Variants in ENPP3 observed in about 807,000 individuals in gnomAD.
ENPP3 encodes the protein ectonucleotide pyrophosphatase/phosphodiesterase family member 3.
Under a neutral mutation model 117.8 loss-of-function variants are expected in ENPP3, and 104 were observed. That is an observed-to-expected ratio of 0.88 (90% CI 0.75 to 1.04). The LOEUF (loss-of-function observed/expected upper bound fraction) is 1.04, where lower values mean the gene tolerates loss of function less well. ENPP3 is among the 50% of genes least tolerant of loss of function. The pLI is 0.00. For synonymous variants in ENPP3, 380 were observed against 349.9 expected (o/e 1.09, Z -0.96); for missense variants, 1,026 against 1,051.9 (o/e 0.98, Z 0.34).
intron 2 of ENPP3, among the ~76,000 whole-genome samples, chr6:131,645,612 T>A (rs574934785): frequency 6.6e-6 from 1 of 152,344 alleles, no homozygotes; most frequent in East Asian, 1.9e-4. Context: ...AGAGATAACT[T>A]GAATCTTTGT....
chr6:131,693,684 C>T, intron 15 of ENPP3, 60 bp downstream of exon 15: 1 of 1,511,608 alleles, frequency 6.6e-7, no homozygotes, highest in Admixed American at 1.8e-5. Flanking sequence ...CATTATAAGT[C>T]TACTTAACCT....
At chr6:131,739,787 T>C (rs1238038327) in intron 23 of ENPP3, among the ~76,000 whole-genome samples, 4 of 151,898 alleles carry the variant, frequency 2.6e-5, no homozygotes, top group Non-Finnish European at 5.9e-5. Flanking sequence ...AAGACATTTA[T>C]TGGCCTGGTG....
rs141134579 is a variant in ENPP3 at position 131,701,327 on chromosome 6, G to T, written c.1412+7703G>T. 8.3e-4 allele frequency: 1,340 copies of T among 1,612,500 alleles called. 1 individual carries two copies. Among genetic ancestry groups the T allele is most frequent in the Admixed American group, 1.1e-3 (68 of 59,836 alleles). On this transcript the variant is annotated intron_variant, in intron 15 of 24. Transcript: ENST00000357639. The stretch of plus-strand genomic sequence containing the variant: ...AGAACAGGGAGAAGAGCCCAAAGAG[G>T]AGCATCTGAATCCTTGGGCCAACGG...
intron 23 of ENPP3, 21 bp downstream of exon 23, chr6:131,738,184 A>G: frequency 6.2e-7 from 1 of 1,600,830 alleles, no homozygotes; most frequent in Non-Finnish European, 8.5e-7. Context: ...TGACTTTTTG[A>G]TTTATCAATA....
At chr6:131,709,703 C>T in intron 15 of ENPP3, 1 of 1,613,822 alleles carries the variant, frequency 6.2e-7, no homozygotes, top group Non-Finnish European at 8.5e-7. Context: ...TCTTCAAGAT[C>T]TTTGGCTAGC....
intron 5 of ENPP3, among the ~76,000 whole-genome samples, chr6:131,657,850 A>ATG (rs1345487773): frequency 5.3e-5 from 8 of 152,044 alleles, no homozygotes; most frequent in Admixed American, 5.2e-4. Flanking sequence ...CTTCTGTGAA[A>ATG]TGTGTGTGTG....
At chr6:131,653,270 A>G (rs1778304508) in intron 5 of ENPP3, among the ~76,000 whole-genome samples, 1 of 150,892 alleles carries the variant, frequency 6.6e-6, no homozygotes, top group South Asian at 2.1e-4. Flanking sequence ...AGCTGGGACT[A>G]TAGGCACGCC....
intron 15 of ENPP3, among the ~76,000 whole-genome samples, chr6:131,696,531 C>G (rs1184663675): frequency 6.6e-6 from 1 of 152,174 alleles, no homozygotes; most frequent in Non-Finnish European, 1.5e-5. Flanking sequence ...CCTGTGCAGT[C>G]TGTCGGTTGT....
At chr6:131,701,506 T>C in intron 15 of ENPP3, 4 of 584,620 alleles carry the variant, frequency 6.8e-6, no homozygotes, top group South Asian at 6.3e-5. Context: ...AGTAGAAAAG[T>C]GTTCAGACAG....
In ENPP3 at chr6:131,680,362, A is replaced by G. The variant is rs565701636; in HGVS notation, c.1011+2422A>G. ...TCCCATTTATATTAATAAGACTGCTAAAGCAGGGTAAGTTTGGGGAGATGC... is the reference window on the plus strand; with the variant it reads ...TCCCATTTATATTAATAAGACTGCTGAAGCAGGGTAAGTTTGGGGAGATGC... On this transcript the variant is annotated intron_variant, in intron 11 of 24. Transcript: ENST00000357639. 6.0e-4 allele frequency among the ~76,000 whole-genome samples: 92 copies of G among 152,312 alleles called. 1 individual carries two copies. In the South Asian group the frequency reaches 0.018, roughly 30 times the overall value.
intron 6 of ENPP3, among the ~76,000 whole-genome samples, chr6:131,662,112 A>G (rs1021906880): frequency 2.6e-5 from 4 of 152,234 alleles, no homozygotes; most frequent in African/African-American, 7.2e-5. Flanking sequence ...ATTTTTCTGC[A>G]TATGGATATC....
chr6:131,689,390 A>T (rs1779229008), intron 14 of ENPP3, among the ~76,000 whole-genome samples: 1 of 152,064 alleles, frequency 6.6e-6, no homozygotes, highest in Non-Finnish European at 1.5e-5. Context: ...TCATTCTGAA[A>T]ATCCTAGGGC....
At chr6:131,675,051 A>G (rs1427984522) in intron 8 of ENPP3, 29 bp from the exon 9 acceptor site, 2 of 1,355,690 alleles carry the variant, frequency 1.5e-6, no homozygotes, top group Non-Finnish European at 2.1e-6. Flanking sequence ...GTAATTACTG[A>G]CTTTCGCTTA....
intron 10 of ENPP3, 72 bp from the exon 11 acceptor site, chr6:131,677,796 C>T (rs1024054943): frequency 2.9e-6 from 3 of 1,018,852 alleles, no homozygotes; most frequent in Non-Finnish European, 4.6e-6. Flanking sequence ...CCAAGATCTA[C>T]AAAATCCCCC....
At chr6:131,719,372 T>C (rs1404674519) in intron 16 of ENPP3, among the ~76,000 whole-genome samples, 5 of 127,614 alleles carry the variant, frequency 3.9e-5, no homozygotes, top group African/African-American at 1.5e-4. Context: ...TCTCATCTAC[T>C]TCCATTTGTA....
chr6:131,717,178 GC>G (rs1489823222), intron 15 of ENPP3, among the ~76,000 whole-genome samples: 2 of 151,816 alleles, frequency 1.3e-5, no homozygotes, highest in Non-Finnish European at 1.5e-5. Flanking sequence ...AGTGAGTGTG[GC>G]CTGGTCAGAT....
intron 14 of ENPP3, among the ~76,000 whole-genome samples, chr6:131,687,591 T>C (rs1779181267): frequency 6.6e-6 from 1 of 152,032 alleles, no homozygotes; most frequent in Non-Finnish European, 1.5e-5. Context: ...GAGGAGATAT[T>C]CACAAACTAC....
In ENPP3 at chr6:131,746,935, A is replaced by G. The variant is rs1389664624; in HGVS notation, c.2607A>G (p.Pro869=). ...TTTTGCAACTAAAGACATATTTACC[A>G]ACATTTGAAACCACTATTTAACTTA... The part of the protein sequence containing the change: ...SEILQLKTYL[P]TFETTI The change falls in exon 25 of 25, where the codon CCA becomes CCG. Residue 869 remains proline, a synonymous_variant. Transcript: ENST00000357639. The G allele has an allele frequency of 6.2e-7, 1 of 1,601,368 alleles. No homozygotes were observed. Among genetic ancestry groups the G allele is most frequent in the Non-Finnish European group, 8.5e-7 (1 of 1,170,978 alleles).
intron 2 of ENPP3, among the ~76,000 whole-genome samples, chr6:131,646,807 T>C (rs1473085187): frequency 1.3e-5 from 2 of 151,272 alleles, no homozygotes; most frequent in South Asian, 4.2e-4. Context: ...AGTTGTTGCT[T>C]CCTTCATTCT....
Sources: allele counts gnomAD v4.1 joint callset (sites outside exome capture counted in the v4.1 genomes callset), GRCh38; gene constraint gnomAD v4.1.1; transcripts MANE v1.5; gene names NCBI Gene and HGNC (gene_info 2026-07-23, HGNC 2026-07-21).